The following MAP3K21 variants were observed in gnomAD, a reference collection of about 807,000 sequenced individuals.
MAP3K21 encodes mitogen-activated protein kinase kinase kinase MLK4.
Under a neutral mutation model 86.1 loss-of-function variants are expected in MAP3K21, and 63 were observed. The ratio of observed to expected loss-of-function variants is 0.73; its 90% confidence interval spans 0.60 to 0.90. The LOEUF (loss-of-function observed/expected upper bound fraction) is 0.90. Among genes scored for constraint, MAP3K21 ranks in the 40% least tolerant of loss-of-function variants. MAP3K21 has a pLI of 0.00. For synonymous variants in MAP3K21, 558 were observed against 564.8 expected (o/e 0.99, Z 0.17); for missense variants, 1,220 against 1,367.7 (o/e 0.89, Z 1.70).
rs1363686561 is a variant in MAP3K21 at position 233,328,208 on chromosome 1, G to T, written c.180G>T (p.Arg60=). The change falls in exon 1 of 10, where the codon CGG becomes CGT. Residue 60 remains arginine (R), a synonymous_variant. Coordinates refer to ENST00000366624, the MANE Select transcript of MAP3K21 (RefSeq NM_032435.3). The surrounding 1 kb of genome is among the most constrained non-coding windows in gnomAD (Gnocchi z 8.7). ...EARGEDELSL[R]RGQLVEVLSQ... ...GCGGCGAGGACGAGCTGAGCCTGCGGCGCGGCCAGCTGGTGGAGGTGCTGT... is the reference window on the plus strand; with the variant it reads ...GCGGCGAGGACGAGCTGAGCCTGCGTCGCGGCCAGCTGGTGGAGGTGCTGT... The T allele has an allele frequency of 3.4e-5, 50 of 1,488,018 alleles. No homozygotes were observed. The highest frequency in any genetic ancestry group is 4.3e-5 in the Non-Finnish European group (48 of 1,127,242). 92.2% of individuals were successfully genotyped at this position (1,488,018 alleles called of 1,614,324 possible).
intron 3 of MAP3K21, among the ~76,000 whole-genome samples, 186 bp from the exon 4 acceptor site, chr1:233,354,650 T>G (rs921448691): frequency 1.3e-5 from 2 of 152,196 alleles, no homozygotes; most frequent in African/African-American, 4.8e-5. Flanking sequence ...ATGGACACTA[T>G]GTAAAATAAA....
At chr1:233,381,281 T>C (rs1663910946) in intron 9 of MAP3K21, among the ~76,000 whole-genome samples, 1 of 152,212 alleles carries the variant, frequency 6.6e-6, no homozygotes, top group African/African-American at 2.4e-5. Context: ...ATGGGGACAG[T>C]AACAATATAC....
chr1:233,369,035 G>A (rs1198131659), intron 5 of MAP3K21, among the ~76,000 whole-genome samples: 4 of 152,202 alleles, frequency 2.6e-5, no homozygotes, highest in Admixed American at 1.3e-4. Flanking sequence ...GAGGGAGGGG[G>A]CAGAACTTAA....
intron 6 of MAP3K21, chr1:233,372,888 T>G (rs923544900): frequency 2.6e-5 from 4 of 152,196 alleles, no homozygotes; most frequent in Non-Finnish European, 5.9e-5. Context: ...TGGTAAACCA[T>G]TCATTTGGAT....
intron 1 of MAP3K21, among the ~76,000 whole-genome samples, chr1:233,340,925 T>A (rs1337428249): frequency 6.6e-6 from 1 of 152,222 alleles, no homozygotes; most frequent in East Asian, 1.9e-4. Flanking sequence ...GTTGAGAACA[T>A]GATGTACATA....
chr1:233,368,309 C>T (rs1476999377), intron 5 of MAP3K21, among the ~76,000 whole-genome samples: 1 of 152,104 alleles, frequency 6.6e-6, no homozygotes, highest in East Asian at 1.9e-4. Context: ...ACCACCTAGT[C>T]TAGTCAATTT....
In MAP3K21 at chr1:233,378,619, G is replaced by A. The variant is rs547529069; in HGVS notation, c.1925-312G>A. 4.6e-5 allele frequency among the ~76,000 whole-genome samples: 7 copies of A among 152,300 alleles called. No individual in the cohort carries two copies. In the South Asian group the frequency reaches 8.3e-4, roughly 18 times the overall value. On this transcript the variant is annotated intron_variant, in intron 8 of 9. Coordinates refer to ENST00000366624, the MANE Select transcript of MAP3K21 (RefSeq NM_032435.3). ...AGTGATTTTGTGCCTATGGTTGTGC[G>A]TTTTTGTGTTTTGATGACTGTTTCT...
chr1:233,381,177 T>A (rs776251468), intron 9 of MAP3K21, among the ~76,000 whole-genome samples: 1 of 152,218 alleles, frequency 6.6e-6, no homozygotes, highest in Admixed American at 6.5e-5. Context: ...GTTAATAGTA[T>A]GGAAGCTAGC....
chr1:233,338,257 G>T (rs1273745137), intron 1 of MAP3K21, among the ~76,000 whole-genome samples: 1 of 152,158 alleles, frequency 6.6e-6, no homozygotes, highest in Non-Finnish European at 1.5e-5. Flanking sequence ...TTTCTTTACA[G>T]AAGCCTGTCT....
intron 1 of MAP3K21, among the ~76,000 whole-genome samples, chr1:233,345,203 A>G (rs1373289290): frequency 2.6e-5 from 4 of 152,154 alleles, no homozygotes; most frequent in Admixed American, 1.3e-4. Context: ...AACTAGAAAT[A>G]CCATTTGACC....
intron 1 of MAP3K21, among the ~76,000 whole-genome samples, chr1:233,341,843 G>A (rs1428937061): frequency 1.3e-5 from 2 of 152,122 alleles, no homozygotes; most frequent in Non-Finnish European, 2.9e-5. Context: ...GTGTATAAAA[G>A]TGCTTTGAGA....
chr1:233,369,128 T>A (rs1192304340), intron 5 of MAP3K21, among the ~76,000 whole-genome samples: 1 of 150,610 alleles, frequency 6.6e-6, no homozygotes, highest in Non-Finnish European at 1.5e-5. Flanking sequence ...AGTGCAGAGA[T>A]GTAACCTGGT....
chr1:233,368,666 AAAGTAT>A (rs1663626147), intron 5 of MAP3K21, among the ~76,000 whole-genome samples: 2 of 151,758 alleles, frequency 1.3e-5, no homozygotes, highest in Non-Finnish European at 2.9e-5. Context: ...TAAAAAAAAA[AAAGTAT>A]GACTCAGCAG....
intron 1 of MAP3K21, among the ~76,000 whole-genome samples, chr1:233,338,582 T>C (rs1375691779): frequency 2.0e-5 from 3 of 152,160 alleles, no homozygotes; most frequent in Non-Finnish European, 4.4e-5. Flanking sequence ...CAGCAGTATC[T>C]AAGTAAGTGA....
chr1:233,354,949 A>G lies in MAP3K21; in HGVS notation c.1249A>G (p.Met417Val). 3 of 1,614,082 alleles carry G rather than the reference A, an allele frequency of 1.9e-6. No individual in the cohort carries two copies. The highest frequency in any genetic ancestry group is 3.3e-4 in the Middle Eastern group (2 of 6,058). ...GATGCCTCAAGAATCTTTTCATTCC[A>G]TGCAAGATGACTGGAAACTAGAAAT... The part of the protein sequence containing the change: ...TEMPQESFHS[M>V]QDDWKLEIQQ... The change falls in exon 4 of 10, where the codon ATG (methionine) becomes GTG (valine). Residue 417 changes from methionine to valine, a missense_variant. Coordinates refer to ENST00000366624, the MANE Select transcript of MAP3K21 (RefSeq NM_032435.3).
chr1:233,339,881 A>G (rs933065272), intron 1 of MAP3K21, among the ~76,000 whole-genome samples: 1 of 152,204 alleles, frequency 6.6e-6, no homozygotes, highest in Non-Finnish European at 1.5e-5. Context: ...AACATGAAAG[A>G]AAAAGCTTAT....
intron 1 of MAP3K21, among the ~76,000 whole-genome samples, chr1:233,343,833 G>A (rs1355322698): frequency 6.6e-6 from 1 of 152,198 alleles, no homozygotes; most frequent in African/African-American, 2.4e-5. Flanking sequence ...CTGACAGGTA[G>A]AATATACTCA....
chr1:233,378,681 C>T (rs1663844827), intron 8 of MAP3K21, among the ~76,000 whole-genome samples: 1 of 152,166 alleles, frequency 6.6e-6, no homozygotes, highest in South Asian at 2.1e-4. Flanking sequence ...TGAAGAACAG[C>T]TTCCCGAAGC....
At chr1:233,380,240 G>A (rs1663889096) in intron 9 of MAP3K21, among the ~76,000 whole-genome samples, 1 of 152,198 alleles carries the variant, frequency 6.6e-6, no homozygotes, top group African/African-American at 2.4e-5. Flanking sequence ...GTCAGATCAA[G>A]GTGTCTGAAG....
Sources: allele counts gnomAD v4.1 joint callset (sites outside exome capture counted in the v4.1 genomes callset), GRCh38; gene constraint gnomAD v4.1.1; non-coding constraint Gnocchi (gnomAD v3.1); transcripts MANE v1.5; gene names NCBI Gene and HGNC (gene_info 2026-07-23, HGNC 2026-07-21).